Variants in RAB3C observed in about 807,000 individuals in gnomAD.
RAB3C encodes the protein ras-related protein Rab-3C.
A neutral mutation model predicts 26.4 loss-of-function variants in RAB3C; 17 were observed. The observed-to-expected ratio is 0.64, with a 90% CI of 0.44 to 0.97. RAB3C has a LOEUF of 0.97. Ranked by LOEUF, RAB3C falls within the 50% of genes least tolerant of loss-of-function variation. The pLI is 0.00. For synonymous variants in RAB3C, 91 were observed against 95.9 expected (o/e 0.95, Z 0.30); for missense variants, 242 against 281.9 (o/e 0.86, Z 1.01).
At chr5:58,617,569 G>C in intron 1 of RAB3C, 74 bp from the exon 2 acceptor site, 1 of 1,177,208 alleles carries the variant, frequency 8.5e-7, no homozygotes, top group Admixed American at 1.7e-5. Flanking sequence ...TAATGAGTAT[G>C]CTGCTAGCTT....
At chr5:58,719,583 T>G (rs990388040) in intron 2 of RAB3C, among the ~76,000 whole-genome samples, 1 of 151,926 alleles carries the variant, frequency 6.6e-6, no homozygotes, top group African/African-American at 2.4e-5. Flanking sequence ...ACAGCAGAAA[T>G]TTATTGTCTC....
chr5:58,801,177 C>A (rs942929022), intron 3 of RAB3C, among the ~76,000 whole-genome samples: 4 of 152,072 alleles, frequency 2.6e-5, no homozygotes, highest in East Asian at 1.9e-4. Context: ...CAGTTTCTAG[C>A]AAAGATACAA....
intron 1 of RAB3C, among the ~76,000 whole-genome samples, chr5:58,616,697 A>G (rs1267599390): frequency 2.6e-5 from 4 of 152,134 alleles, no homozygotes; most frequent in Non-Finnish European, 4.4e-5. Context: ...TTCCCATTTC[A>G]TCTAAGGCAG....
At position 58,853,243 on chromosome 5, in the gene RAB3C, T is replaced by C. The variant is rs948063412; in HGVS notation, c.*1892T>C. On this transcript the variant is annotated 3_prime_UTR_variant, in exon 5 of 5. Transcript: ENST00000282878. Reference sequence around the variant, plus strand: ...AAGAAGCAGGAGGCATAAAAACAGATTTGTTTGTAGCAGTAGTCTGTTTGT... The same window carrying C: ...AAGAAGCAGGAGGCATAAAAACAGACTTGTTTGTAGCAGTAGTCTGTTTGT... 1 of 152,216 alleles carries C rather than the reference T, an allele frequency of 6.6e-6. No individual in the cohort carries two copies. The highest frequency in any genetic ancestry group is 1.5e-5 in the Non-Finnish European group (1 of 68,046). The allele number at this position is 152,216 out of a possible 1,614,324, so 9.4% of individuals were successfully genotyped here.
intron 2 of RAB3C, among the ~76,000 whole-genome samples, chr5:58,716,402 A>G (rs49960): frequency 0.36 from 54,222 of 151,932 alleles, 10,159 homozygotes; most frequent in Non-Finnish European, 0.42. Flanking sequence ...TCACTATTCA[A>G]CCTAATATTC....
chr5:58,743,578 G>A lies in RAB3C; in HGVS notation c.371+17458G>A, dbSNP rs186043354. On this transcript the variant is annotated intron_variant, in intron 3 of 4. Transcript: ENST00000282878. ...CCCTCCCCCTTGGCCCCCAGCTCCCGACAGGCCCCAGTGTGTGATGTTCCC... is the reference window on the plus strand; with the variant it reads ...CCCTCCCCCTTGGCCCCCAGCTCCCAACAGGCCCCAGTGTGTGATGTTCCC... Among the ~76,000 whole-genome samples the A allele has an allele frequency of 1.8e-3, 271 of 152,016 alleles. 1 individual carries two copies. The highest frequency in any genetic ancestry group is 3.4e-3 in the Middle Eastern group (1 of 294).
intron 2 of RAB3C, among the ~76,000 whole-genome samples, chr5:58,653,769 A>C (rs943705617): frequency 1.3e-5 from 2 of 152,238 alleles, no homozygotes; most frequent in Non-Finnish European, 2.9e-5. Context: ...TGAGAGATAC[A>C]GGAACTAGTA....
intron 3 of RAB3C, among the ~76,000 whole-genome samples, chr5:58,812,436 C>T (rs1743115260): frequency 6.6e-6 from 1 of 152,130 alleles, no homozygotes; most frequent in Non-Finnish European, 1.5e-5. Flanking sequence ...AGCAAACTTT[C>T]CAGGTGATTC....
intron 3 of RAB3C, chr5:58,816,952 T>C (rs996638085): frequency 6.6e-6 from 1 of 152,224 alleles, no homozygotes; most frequent in South Asian, 2.1e-4. Flanking sequence ...GGGCATCTCA[T>C]TTCTGGGACA....
At chr5:58,725,518 C>T (rs773454512) in intron 2 of RAB3C, among the ~76,000 whole-genome samples, 1 of 151,846 alleles carries the variant, frequency 6.6e-6, no homozygotes, top group Non-Finnish European at 1.5e-5. Flanking sequence ...AATAAGCTTT[C>T]TATCCCTTGC....
chr5:58,625,581 G>A lies in RAB3C; in HGVS notation c.252+7711G>A, dbSNP rs371334340. 1.7e-4 allele frequency among the ~76,000 whole-genome samples: 26 copies of A among 152,164 alleles called. No homozygotes were observed. In the East Asian group the frequency reaches 1.9e-3, roughly 11 times the overall value. ...GCTTCTAAAAATTCAAATACCGGCCGGGCACTGTGGCTTATGCCTGTAATC... is the reference window on the plus strand; with the variant it reads ...GCTTCTAAAAATTCAAATACCGGCCAGGCACTGTGGCTTATGCCTGTAATC... On this transcript the variant is annotated intron_variant, in intron 2 of 4. Coordinates refer to ENST00000282878, the MANE Select transcript of RAB3C (RefSeq NM_138453.4).
intron 2 of RAB3C, among the ~76,000 whole-genome samples, chr5:58,639,251 AT>A (rs553378103): frequency 3.0e-4 from 45 of 152,206 alleles, no homozygotes; most frequent in African/African-American, 1.1e-3. Flanking sequence ...GATGACCTTG[AT>A]TTTTTTTAAA....
intron 1 of RAB3C, among the ~76,000 whole-genome samples, chr5:58,591,466 TCC>T (rs1746125435): frequency 1.3e-5 from 2 of 151,940 alleles, no homozygotes; most frequent in Non-Finnish European, 2.9e-5. Flanking sequence ...GAGTAATTTT[TCC>T]TTTTATATTA....
At chr5:58,846,305 G>C (rs566131257) in intron 4 of RAB3C, among the ~76,000 whole-genome samples, 1 of 152,214 alleles carries the variant, frequency 6.6e-6, no homozygotes, top group Non-Finnish European at 1.5e-5. Flanking sequence ...CTCCCAAGGA[G>C]CCTGTTAAAA....
intron 2 of RAB3C, among the ~76,000 whole-genome samples, chr5:58,702,136 A>G (rs994220720): frequency 6.6e-6 from 1 of 152,100 alleles, no homozygotes; most frequent in African/African-American, 2.4e-5. Context: ...ATCATTATCT[A>G]ATTTACACAC....
chr5:58,750,110 A>T (rs1265558641), intron 3 of RAB3C, among the ~76,000 whole-genome samples: 1 of 152,134 alleles, frequency 6.6e-6, no homozygotes, highest in African/African-American at 2.4e-5. Context: ...ACCTGTATCA[A>T]ACAATTTTGA....
At chr5:58,695,200 T>C (rs1246094198) in intron 2 of RAB3C, among the ~76,000 whole-genome samples, 2 of 152,210 alleles carry the variant, frequency 1.3e-5, no homozygotes, top group Non-Finnish European at 2.9e-5. Context: ...CCATTTCTTG[T>C]TTTTGTCAGA....
intron 3 of RAB3C, among the ~76,000 whole-genome samples, chr5:58,761,444 A>G (rs1482434353): frequency 1.3e-5 from 2 of 152,218 alleles, no homozygotes; most frequent in East Asian, 3.8e-4. Context: ...AACATTTTAA[A>G]TACATTATGT....
chr5:58,825,122 C>A lies in RAB3C; in HGVS notation c.456C>A (p.Val152=). The A allele has an allele frequency of 6.2e-7, 1 of 1,612,940 alleles. No homozygotes were observed. Among genetic ancestry groups the A allele is most frequent in the South Asian group, 1.1e-5 (1 of 90,994 alleles). ...GNKCDMEDER[V]ISTERGQHLG... is the part of the protein sequence containing the mutation. Reference sequence around the variant, plus strand: ...AGTGTGACATGGAAGACGAGCGGGTCATCTCAACTGAGCGAGGTCAACATT... The same window carrying A: ...AGTGTGACATGGAAGACGAGCGGGTAATCTCAACTGAGCGAGGTCAACATT... The change falls in exon 4 of 5, where the codon GTC becomes GTA. Residue 152 remains valine (V), a synonymous_variant. Transcript: ENST00000282878.
Sources: allele counts gnomAD v4.1 joint callset (sites outside exome capture counted in the v4.1 genomes callset), GRCh38; gene constraint gnomAD v4.1.1; transcripts MANE v1.5; gene names NCBI Gene and HGNC (gene_info 2026-07-23, HGNC 2026-07-21).